RHOU: variants seen among roughly 807,000 people sequenced by gnomAD.
The protein encoded by RHOU is rho-related GTP-binding protein RhoU.
Under a neutral mutation model 12.6 loss-of-function variants are expected in RHOU, and 8 were observed. The ratio of observed to expected loss-of-function variants is 0.64; its 90% CI spans 0.37 to 1.15. The LOEUF is 1.15. Ranked by LOEUF, RHOU falls within the 50% of genes most tolerant of loss-of-function variation. The pLI, the probability that RHOU is intolerant of heterozygous loss-of-function variation, is 0.01. For missense variants in RHOU, 258 were observed against 347.0 expected (o/e 0.74, Z 2.04); for synonymous variants, 161 against 147.4 (o/e 1.09, Z -0.67).
upstream of RHOU, among the ~76,000 whole-genome samples, chr1:228,732,058 TACA>T (rs1174928274): frequency 1.3e-5 from 2 of 152,200 alleles, no homozygotes; most frequent in Non-Finnish European, 2.9e-5. Context: ...AGCATAAAAA[TACA>T]ACTGTCCATG....
the RHOU span, among the ~76,000 whole-genome samples, chr1:228,665,395 C>T: frequency 9.2e-5 from 14 of 152,224 alleles, no homozygotes; most frequent in African/African-American, 3.1e-4. Context: ...AGCTGCTCTA[C>T]GTGGCAGCAC....
the RHOU span, among the ~76,000 whole-genome samples, chr1:228,714,275 T>C: frequency 6.6e-6 from 1 of 152,172 alleles, no homozygotes. Context: ...TCATACATAA[T>C]ATTGGTTTGT....
rs939064005 is a variant in RHOU, at chr1:228,737,463, C to T, written c.263-210C>T. ...GTTCAGGGATTTGCTGCCTGGTTCA[C>T]GGTAATGGAGTGACTTGCCAGCCGT... On this transcript the variant is annotated intron_variant, in intron 1 of 2. Coordinates refer to ENST00000366691, the MANE Select transcript of RHOU (RefSeq NM_021205.6). The surrounding 1 kb of genome is among the most constrained non-coding windows in gnomAD (Gnocchi z 4.1). Among the ~76,000 whole-genome samples the T allele has an allele frequency of 5.3e-5, 8 of 152,124 alleles. No individual in the cohort carries two copies. Among genetic ancestry groups the T allele is most frequent in the Non-Finnish European group, 1.2e-4 (8 of 68,038 alleles).
At chr1:228,647,008 G>A in the RHOU span, among the ~76,000 whole-genome samples, 3 of 145,906 alleles carry the variant, frequency 2.1e-5, no homozygotes, top group Non-Finnish European at 3.0e-5. Context: ...GAAATAACGC[G>A]AGGTCCAGGG....
chr1:228,647,025 C>G, the RHOU span, among the ~76,000 whole-genome samples: 360 of 99,372 alleles, frequency 3.6e-3, 3 homozygotes, highest in Middle Eastern at 0.047. Context: ...AGGGGGAAAC[C>G]CAGAAGAGTG....
At chr1:228,707,128 A>ATATATATATATATATATATG in the RHOU span, among the ~76,000 whole-genome samples, 52 of 67,566 alleles carry the variant, frequency 7.7e-4, no homozygotes, top group African/African-American at 7.4e-3. Context: ...ATATATATAC[A>ATATATATATATATATATATG]TATATATATA....
the RHOU span, among the ~76,000 whole-genome samples, chr1:228,707,771 G>A: frequency 2.6e-5 from 4 of 152,312 alleles, no homozygotes; most frequent in African/African-American, 7.2e-5. Flanking sequence ...CCAAAGGAAT[G>A]CAGTTCCTCA....
chr1:228,701,681 A>C, the RHOU span, among the ~76,000 whole-genome samples: 1 of 151,838 alleles, frequency 6.6e-6, no homozygotes, highest in Non-Finnish European at 1.5e-5. Context: ...TTTCTTCCTG[A>C]CTTTTAATAT....
At chr1:228,668,692 G>T in the RHOU span, among the ~76,000 whole-genome samples, 1 of 152,142 alleles carries the variant, frequency 6.6e-6, no homozygotes, top group Non-Finnish European at 1.5e-5. Context: ...TCTTAGAATC[G>T]ATAAAATACA....
chr1:228,651,215 G>A, the RHOU span: 2 of 209,886 alleles, frequency 9.5e-6, no homozygotes, highest in Non-Finnish European at 2.0e-5. Context: ...CTCCTACCAG[G>A]GGGAGGCAGC....
chr1:228,703,870 G>A, the RHOU span, among the ~76,000 whole-genome samples: 2 of 152,282 alleles, frequency 1.3e-5, no homozygotes, highest in Admixed American at 1.3e-4. Flanking sequence ...AAGTCAAGCT[G>A]GGACCTATGT....
chr1:228,739,222 G>A (rs1456387395), intron 2 of RHOU, among the ~76,000 whole-genome samples: 1 of 152,192 alleles, frequency 6.6e-6, no homozygotes, highest in South Asian at 2.1e-4. Flanking sequence ...TCATTTCCTT[G>A]TATGAAGTGA....
chr1:228,714,558 C>T, the RHOU span, among the ~76,000 whole-genome samples: 1 of 152,102 alleles, frequency 6.6e-6, no homozygotes, highest in Non-Finnish European at 1.5e-5. Context: ...TGTATTTCCT[C>T]AGGACGTTAT....
intron 2 of RHOU, among the ~76,000 whole-genome samples, chr1:228,739,838 T>G (rs1345328386): frequency 6.6e-6 from 1 of 152,236 alleles, no homozygotes; most frequent in Non-Finnish European, 1.5e-5. Flanking sequence ...GTGCCCAGCA[T>G]AGTGCCTGGC....
At chr1:228,691,086 T>C in the RHOU span, among the ~76,000 whole-genome samples, 2 of 55,608 alleles carry the variant, frequency 3.6e-5, no homozygotes, top group Non-Finnish European at 6.5e-5. Context: ...CAGCTTATAA[T>C]TTTTTTTTTT....
At chr1:228,706,387 G>T in the RHOU span, among the ~76,000 whole-genome samples, 1 of 152,246 alleles carries the variant, frequency 6.6e-6, no homozygotes, top group Non-Finnish European at 1.5e-5. Flanking sequence ...TGTGGTCAGT[G>T]AGGATTTATG....
chr1:228,683,327 T>C, the RHOU span, among the ~76,000 whole-genome samples: 2 of 152,232 alleles, frequency 1.3e-5, no homozygotes, highest in Non-Finnish European at 1.5e-5. Context: ...GCATCCTGTT[T>C]GCATTCTGGA....
At chr1:228,723,958 A>G in the RHOU span, among the ~76,000 whole-genome samples, 221 of 152,222 alleles carry the variant, frequency 1.5e-3, 1 homozygote, top group African/African-American at 4.8e-3. Flanking sequence ...TTAGACATCC[A>G]CGGGACTTGC....
the RHOU span, among the ~76,000 whole-genome samples, chr1:228,697,765 C>T: frequency 6.6e-6 from 1 of 152,116 alleles, no homozygotes. Context: ...AATGAAATCC[C>T]AGGGACAGTA....
Sources: allele counts gnomAD v4.1 joint callset (sites outside exome capture counted in the v4.1 genomes callset), GRCh38; gene constraint gnomAD v4.1.1; non-coding constraint Gnocchi (gnomAD v3.1); transcripts MANE v1.5; gene names NCBI Gene and HGNC (gene_info 2026-07-23, HGNC 2026-07-21).